SDK2: variants seen among roughly 807,000 people sequenced by gnomAD.
SDK2 encodes sidekick cell adhesion molecule 2, also known as protein sidekick-2.
A neutral mutation model predicts 253.9 loss-of-function variants in SDK2; 105 were observed. The observed-to-expected ratio is 0.41, with a 90% CI of 0.35 to 0.49. The LOEUF (loss-of-function observed/expected upper bound fraction) is 0.49, where lower values mean the gene tolerates loss of function less well. Ranked by LOEUF, SDK2 falls within the 20% of genes least tolerant of loss-of-function variation. The pLI, the probability that SDK2 is intolerant of heterozygous loss-of-function variation, is 0.06. For missense variants in SDK2, 2,608 were observed against 3,003.0 expected (o/e 0.87, Z 3.07); for synonymous variants, 1,249 against 1,234.9 (o/e 1.01, Z -0.24).
chr17:73,563,013 A>G (rs1404008084), intron 1 of SDK2, among the ~76,000 whole-genome samples: 5 of 152,162 alleles, frequency 3.3e-5, no homozygotes, highest in Non-Finnish European at 7.4e-5. Flanking sequence ...GGGAGGAGGA[A>G]GGCAGGGGAG....
rs946556264 is a variant in SDK2 at position 73,438,162 on chromosome 17, G to C, written c.726-8C>G. ...TGTAGCTTGATCAGGGGCCTGCAGA[G>C]GGCAAGGGAAGGCCAGTGTTCAGCC... On this transcript the variant is annotated splice_region_variant and splice_polypyrimidine_tract_variant and intron_variant, in intron 6 of 44. Transcript: ENST00000392650. The C allele has an allele frequency of 1.9e-6, 3 of 1,547,824 alleles. No homozygotes were observed. Among genetic ancestry groups the C allele is most frequent in the African/African-American group, 2.7e-5 (2 of 73,008 alleles).
chr17:73,365,494 C>T (rs1338421788), intron 37 of SDK2, 99 bp from the exon 38 acceptor site: 5 of 1,292,498 alleles, frequency 3.9e-6, no homozygotes, highest in African/African-American at 3.1e-5. Context: ...GGGTCTGAGC[C>T]CGGGAGGAAC....
In SDK2 at chr17:73,398,072, C is replaced by T. The variant is rs542845961; in HGVS notation, c.3317G>A (p.Arg1106His). 56 of 1,613,182 alleles carry T rather than the reference C, an allele frequency of 3.5e-5. No individual in the cohort carries two copies. Among genetic ancestry groups the T allele is most frequent in the East Asian group, 2.5e-4 (11 of 44,878 alleles). The change falls in exon 24 of 45, where the codon CGC becomes CAC. Residue 1106 changes from arginine to histidine, a missense_variant. Transcript: ENST00000392650. Reference protein sequence around the residue: ...PDMAPANVSLRTASETSLWLR... With the variant: ...PDMAPANVSLHTASETSLWLR... ...CCACAGGCTGGTCTCACTGGCTGTG[C>T]GCAGAGACACATTGGCTGGGGCCAT...
At chr17:73,401,532 A>G in intron 20 of SDK2, 122 bp downstream of exon 20, 2 of 947,356 alleles carry the variant, frequency 2.1e-6, no homozygotes. Flanking sequence ...AGTGGTTTCT[A>G]AGAAAGCATG....
intron 3 of SDK2, among the ~76,000 whole-genome samples, chr17:73,466,880 G>A (rs910204534): frequency 6.6e-6 from 1 of 152,158 alleles, no homozygotes; most frequent in Admixed American, 6.5e-5. Context: ...GAAAACTGAG[G>A]TCCAGAGAGG....
intron 5 of SDK2, among the ~76,000 whole-genome samples, chr17:73,442,158 G>A (rs2063420999): frequency 6.6e-6 from 1 of 152,248 alleles, no homozygotes. Flanking sequence ...AGAGGCCAGA[G>A]CTGGCTCTCT....
At chr17:73,531,956 C>T (rs967250962) in intron 1 of SDK2, among the ~76,000 whole-genome samples, 7 of 152,166 alleles carry the variant, frequency 4.6e-5, no homozygotes, top group African/African-American at 1.7e-4. Context: ...GGCTGAGGTG[C>T]CTGTACCTAT....
intron 40 of SDK2, among the ~76,000 whole-genome samples, chr17:73,356,747 G>A (rs1040401776): frequency 6.6e-6 from 1 of 152,146 alleles, no homozygotes; most frequent in Non-Finnish European, 1.5e-5. Context: ...TCTGGCCCTG[G>A]CCCTGCTCCG....
chr17:73,401,646 G>A lies in SDK2; in HGVS notation c.2779+8C>T, dbSNP rs762282991. On this transcript the variant is annotated splice_region_variant and intron_variant, in intron 20 of 44. Transcript: ENST00000392650. ...TGCCCTCTGGTTCAGAAACACTGCA[G>A]TGCCTACCTGTGAGGATGCCATTTT... The A allele has an allele frequency of 6.3e-7, 1 of 1,578,058 alleles. No individual in the cohort carries two copies.
At chr17:73,622,185 C>T (rs920991702) in intron 1 of SDK2, among the ~76,000 whole-genome samples, 3 of 152,368 alleles carry the variant, frequency 2.0e-5, no homozygotes, top group African/African-American at 7.2e-5. Context: ...AGGCTCATTC[C>T]TGCCCAGCCA....
chr17:73,489,021 A>G (rs1020677054), intron 2 of SDK2, among the ~76,000 whole-genome samples: 3 of 152,180 alleles, frequency 2.0e-5, no homozygotes, highest in African/African-American at 7.2e-5. Context: ...ACTGTTATGA[A>G]TCATTCTACC....
intron 1 of SDK2, among the ~76,000 whole-genome samples, chr17:73,544,071 C>T (rs751305590): frequency 3.9e-5 from 6 of 152,196 alleles, no homozygotes; most frequent in Non-Finnish European, 1.5e-5. Context: ...GATAGTTTCA[C>T]GTGGCCAAAA....
chr17:73,470,442 C>T (rs2063641342), intron 3 of SDK2, among the ~76,000 whole-genome samples: 1 of 152,228 alleles, frequency 6.6e-6, no homozygotes, highest in Non-Finnish European at 1.5e-5. Context: ...CTCATGCACA[C>T]ACACATATGC....
intron 2 of SDK2, among the ~76,000 whole-genome samples, chr17:73,495,704 C>T (rs2063837493): frequency 6.6e-6 from 1 of 151,820 alleles, no homozygotes; most frequent in South Asian, 2.1e-4. Context: ...GTCCCTTCAG[C>T]CTCCCCACCT....
In SDK2 at chr17:73,409,828, T is replaced by C. The variant is rs1320282921; in HGVS notation, c.2484+4816A>G. 3.0e-5 allele frequency among the ~76,000 whole-genome samples: 3 copies of C among 98,370 alleles called. No individual in the cohort carries two copies. In the South Asian group the frequency reaches 1.3e-3, roughly 43 times the overall value. The allele number at this position is 98,370 out of a possible 152,430, so 64.5% of individuals were successfully genotyped here. ...TTAAAAATAATACATTCTCTCTCTC[T>C]CTCTGTGTCTGTCTGTCTGTCTCTG... On this transcript the variant is annotated intron_variant, in intron 18 of 44. Transcript: ENST00000392650.
In SDK2 at chr17:73,455,356, A is replaced by G. The variant is rs1370399734; in HGVS notation, c.479+550T>C. ...CCCACAGGCTGGGCTGCCCCAGCCA[A>G]TCCCAGGGGGCACACAGAGACGGCC... On this transcript the variant is annotated intron_variant, in intron 4 of 44. Coordinates refer to ENST00000392650, the MANE Select transcript of SDK2 (RefSeq NM_001144952.2). This position sits in a 1 kb window ranked among gnomAD's most constrained non-coding sequence, Gnocchi z 5.0. Among the ~76,000 whole-genome samples, 1 of 152,164 alleles carries G rather than the reference A, an allele frequency of 6.6e-6. No homozygotes were observed. The highest frequency in any genetic ancestry group is 1.5e-5 in the Non-Finnish European group (1 of 68,004).
At chr17:73,615,179 C>T (rs939189982) in intron 1 of SDK2, among the ~76,000 whole-genome samples, 12 of 152,308 alleles carry the variant, frequency 7.9e-5, no homozygotes, top group African/African-American at 2.6e-4. Flanking sequence ...CAACTGTTGA[C>T]TTCAGAGTCT....
chr17:73,547,070 G>A (rs2044977452), intron 1 of SDK2, among the ~76,000 whole-genome samples: 1 of 152,230 alleles, frequency 6.6e-6, no homozygotes, highest in Non-Finnish European at 1.5e-5. Flanking sequence ...CAGGGTGGTT[G>A]GTCCTAGCCT....
intron 1 of SDK2, among the ~76,000 whole-genome samples, chr17:73,532,494 G>A (rs984955700): frequency 6.6e-6 from 1 of 152,172 alleles, no homozygotes; most frequent in Non-Finnish European, 1.5e-5. Context: ...TGGCAGGGGA[G>A]GAGGCTAAGG....
Sources: allele counts gnomAD v4.1 joint callset (sites outside exome capture counted in the v4.1 genomes callset), GRCh38; gene constraint gnomAD v4.1.1; non-coding constraint Gnocchi (gnomAD v3.1); transcripts MANE v1.5; gene names NCBI Gene and HGNC (gene_info 2026-07-23, HGNC 2026-07-21).